ANKRD26: variants seen among roughly 807,000 people sequenced by gnomAD.
ANKRD26 encodes the protein ankyrin repeat domain-containing protein 26.
A neutral mutation model predicts 208.7 loss-of-function variants in ANKRD26; 141 were observed. That is an observed-to-expected ratio of 0.68 (90% CI 0.59 to 0.78). The LOEUF (loss-of-function observed/expected upper bound fraction) is 0.78. Ranked by LOEUF, ANKRD26 falls within the 30% of genes least tolerant of loss-of-function variation. The pLI, the probability that ANKRD26 is intolerant of heterozygous loss-of-function variation, is 0.00. For missense variants in ANKRD26, 1,889 were observed against 1,938.7 expected, an observed-to-expected ratio of 0.97 and a Z score of 0.48; for synonymous variants, 636 against 660.4, an observed-to-expected ratio of 0.96 and a Z score of 0.57.
At chr10:26,964,643 C>T in the ANKRD26 span, among the ~76,000 whole-genome samples, 2 of 152,184 alleles carry the variant, frequency 1.3e-5, no homozygotes, top group African/African-American at 2.4e-5. Context: ...GTCCCCTTCT[C>T]ATGGAATATA....
At chr10:27,045,365 A>G (rs2054404420) in intron 18 of ANKRD26, among the ~76,000 whole-genome samples, 1 of 151,842 alleles carries the variant, frequency 6.6e-6, no homozygotes, top group South Asian at 2.1e-4. Context: ...CGGAGGTTGC[A>G]GTGAGCTGAG....
At chr10:27,071,259 A>G (rs1480809391) in intron 9 of ANKRD26, among the ~76,000 whole-genome samples, 1 of 132,136 alleles carries the variant, frequency 7.6e-6, no homozygotes. Context: ...TCTGCCTCCC[A>G]GGTTCACGCC....
intron 21 of ANKRD26, 108 bp from the exon 22 acceptor site, chr10:27,038,162 T>A: frequency 1.1e-6 from 1 of 888,434 alleles, no homozygotes; most frequent in Non-Finnish European, 1.7e-6. Context: ...ACAATTTCTA[T>A]GTTCTTGAAT....
the ANKRD26 span, among the ~76,000 whole-genome samples, chr10:26,964,694 C>G: frequency 2.0e-5 from 3 of 152,116 alleles, no homozygotes; most frequent in Non-Finnish European, 2.9e-5. Flanking sequence ...TGTAGAGATA[C>G]AGGACTGGAA....
intron 11 of ANKRD26, among the ~76,000 whole-genome samples, 191 bp from the exon 12 acceptor site, chr10:27,064,272 C>T (rs1193396136): frequency 6.6e-6 from 1 of 152,124 alleles, no homozygotes; most frequent in Non-Finnish European, 1.5e-5. Flanking sequence ...CTAGATTAAG[C>T]TTATCTTTTC....
intron 11 of ANKRD26, among the ~76,000 whole-genome samples, chr10:27,065,859 CTTTTTTTTTTT>C (rs767106612): frequency 1.4e-5 from 1 of 72,960 alleles, no homozygotes; most frequent in Non-Finnish European, 2.5e-5. Context: ...ATAATTCTTT[CTTTTTTTTTTT>C]TTTTTTTTTT....
intron 6 of ANKRD26, among the ~76,000 whole-genome samples, chr10:27,082,074 AGGGAGAGAGAGAAAC>A (rs1564424218): frequency 4.9e-4 from 19 of 38,748 alleles, no homozygotes; most frequent in East Asian, 8.3e-4. Context: ...AAAAAAAAAA[AGGGAGAGAGAGAAAC>A]AAAATCATAT....
the ANKRD26 span, among the ~76,000 whole-genome samples, chr10:26,961,539 T>C: frequency 6.6e-6 from 1 of 152,102 alleles, no homozygotes; most frequent in Non-Finnish European, 1.5e-5. Context: ...TTTTACCTTC[T>C]TCGTGTATAA....
At chr10:27,040,946 G>A (rs1294666461) in intron 20 of ANKRD26, among the ~76,000 whole-genome samples, 1 of 151,506 alleles carries the variant, frequency 6.6e-6, no homozygotes, top group Non-Finnish European at 1.5e-5. Flanking sequence ...CAGGAGAATC[G>A]CTTGAACCCA....
intron 4 of ANKRD26, among the ~76,000 whole-genome samples, chr10:27,087,543 T>C (rs1442343475): frequency 6.6e-6 from 1 of 152,238 alleles, no homozygotes. Flanking sequence ...CCAATCCCAG[T>C]GAATTTCATA....
At chr10:27,081,197 T>C (rs1335466748) in intron 6 of ANKRD26, among the ~76,000 whole-genome samples, 1 of 152,218 alleles carries the variant, frequency 6.6e-6, no homozygotes, top group East Asian at 1.9e-4. Flanking sequence ...GAACCCCCTA[T>C]TTTAATATGC....
intron 5 of ANKRD26, among the ~76,000 whole-genome samples, chr10:27,085,821 C>T (rs1317135393): frequency 6.6e-6 from 1 of 152,112 alleles, no homozygotes; most frequent in African/African-American, 2.4e-5. Flanking sequence ...TATTTCTCAG[C>T]CTACTCAACA....
intron 3 of ANKRD26, 88 bp from the exon 4 acceptor site, chr10:27,092,600 A>C: frequency 1.0e-6 from 1 of 962,094 alleles, no homozygotes; most frequent in South Asian, 1.4e-5. Flanking sequence ...CTTTGAACTG[A>C]AACATATAAA....
intron 12 of ANKRD26, among the ~76,000 whole-genome samples, chr10:27,061,488 C>CA (rs2055053911): frequency 6.6e-6 from 1 of 150,938 alleles, no homozygotes; most frequent in Admixed American, 6.6e-5. Flanking sequence ...TATCAAAAAG[C>CA]AACTTTAAGA....
At chr10:27,093,183 A>G (rs1236474940) in intron 3 of ANKRD26, among the ~76,000 whole-genome samples, 166 bp downstream of exon 3, 1 of 152,250 alleles carries the variant, frequency 6.6e-6, no homozygotes, top group Non-Finnish European at 1.5e-5. Flanking sequence ...TGCTTCTTTA[A>G]AAGTATCAAC....
At chr10:27,067,031 T>A (rs961158686) in intron 10 of ANKRD26, 126 bp downstream of exon 10, 1 of 1,046,534 alleles carries the variant, frequency 9.6e-7, no homozygotes, top group Non-Finnish European at 1.4e-6. Context: ...GGTCTCGAAC[T>A]CCTGACCTCA....
At chr10:27,037,675 T>C (rs1041342266) in intron 22 of ANKRD26, among the ~76,000 whole-genome samples, 196 bp downstream of exon 22, 1 of 152,146 alleles carries the variant, frequency 6.6e-6, no homozygotes, top group Non-Finnish European at 1.5e-5. Context: ...CTCCATTCCT[T>C]CATTCAGAAA....
chr10:27,002,107 A>C (rs1201737486), downstream of ANKRD26, among the ~76,000 whole-genome samples: 1 of 152,128 alleles, frequency 6.6e-6, no homozygotes, highest in African/African-American at 2.4e-5. Context: ...AAGCATCAGC[A>C]TAAGAGGGTG....
intron 5 of ANKRD26, among the ~76,000 whole-genome samples, chr10:26,976,081 T>TA (rs1483494196): frequency 6.6e-6 from 1 of 152,014 alleles, no homozygotes; most frequent in Non-Finnish European, 1.5e-5. Context: ...ATCAGGAAAA[T>TA]AAAATCTCTT....
Sources: allele counts gnomAD v4.1 joint callset (sites outside exome capture counted in the v4.1 genomes callset), GRCh38; gene constraint gnomAD v4.1.1; transcripts MANE v1.5; gene names NCBI Gene and HGNC (gene_info 2026-07-23, HGNC 2026-07-21).